OSBPL1A: variants seen among roughly 807,000 people sequenced by gnomAD.
OSBPL1A encodes the protein oxysterol binding protein like 1A.
OSBPL1A carries 80 observed loss-of-function variants against 137.1 expected under a neutral mutation model. The ratio of observed to expected loss-of-function variants is 0.58; its 90% CI spans 0.49 to 0.70. The LOEUF (loss-of-function observed/expected upper bound fraction) is 0.70, where lower values mean the gene tolerates loss of function less well. OSBPL1A is among the 30% of genes least tolerant of loss of function. OSBPL1A has a pLI of 0.00. For missense variants in OSBPL1A, 970 were observed against 1,129.4 expected (o/e 0.86, Z 2.02); for synonymous variants, 365 against 389.7 (o/e 0.94, Z 0.75).
intron 16 of OSBPL1A, among the ~76,000 whole-genome samples, chr18:24,228,060 G>T (rs1435572688): frequency 6.6e-6 from 1 of 152,028 alleles, no homozygotes; most frequent in African/African-American, 2.4e-5. Context: ...GACGGACTTC[G>T]CAGAACAAGA....
At chr18:24,217,384 T>G (rs945220359) in intron 17 of OSBPL1A, among the ~76,000 whole-genome samples, 1 of 151,426 alleles carries the variant, frequency 6.6e-6, no homozygotes, top group African/African-American at 2.4e-5. Flanking sequence ...CAGTCTCCCG[T>G]GTAGTTGAGA....
intron 7 of OSBPL1A, among the ~76,000 whole-genome samples, chr18:24,321,042 A>G (rs1184189178): frequency 6.6e-6 from 1 of 150,688 alleles, no homozygotes; most frequent in East Asian, 1.9e-4. Flanking sequence ...AAAAAAAAAA[A>G]AAAGAAAAGA....
intron 15 of OSBPL1A, among the ~76,000 whole-genome samples, chr18:24,257,607 C>T (rs1303813797): frequency 6.6e-6 from 1 of 151,900 alleles, no homozygotes; most frequent in African/African-American, 2.4e-5. Context: ...GCACAGACAA[C>T]CAAAGAAAAA....
intron 21 of OSBPL1A, among the ~76,000 whole-genome samples, chr18:24,177,571 T>C (rs992827914): frequency 2.0e-5 from 3 of 152,252 alleles, no homozygotes; most frequent in African/African-American, 7.2e-5. Context: ...CTAACTGGAA[T>C]TAATTGTGGA....
intron 11 of OSBPL1A, among the ~76,000 whole-genome samples, chr18:24,315,833 T>C (rs1418922840): frequency 8.6e-6 from 1 of 116,104 alleles, no homozygotes; most frequent in African/African-American, 3.5e-5. Flanking sequence ...TAATATATAG[T>C]ATATATTATA....
intron 15 of OSBPL1A, among the ~76,000 whole-genome samples, chr18:24,270,038 T>C (rs2089680306): frequency 6.6e-6 from 1 of 152,252 alleles, no homozygotes; most frequent in Non-Finnish European, 1.5e-5. Flanking sequence ...CTGGACTATA[T>C]ATAAAATAAA....
At chr18:24,171,613 C>T (rs1232200722) in intron 22 of OSBPL1A, 115 bp from the exon 23 acceptor site, 2 of 774,106 alleles carry the variant, frequency 2.6e-6, no homozygotes, top group Non-Finnish European at 4.3e-6. Flanking sequence ...TCTCTGTGTG[C>T]CAGGCTCCAT....
intron 5 of OSBPL1A, among the ~76,000 whole-genome samples, chr18:24,336,010 C>A (rs772172907): frequency 1.3e-5 from 2 of 152,184 alleles, no homozygotes; most frequent in African/African-American, 4.8e-5. Flanking sequence ...ATCTTTCCTC[C>A]CACTGGTTCT....
intron 14 of OSBPL1A, among the ~76,000 whole-genome samples, chr18:24,299,195 T>C (rs1170348659): frequency 6.6e-6 from 1 of 152,206 alleles, no homozygotes; most frequent in Non-Finnish European, 1.5e-5. Context: ...TGCCATTTTG[T>C]ATCTTTTAAG....
chr18:24,170,413 A>T lies in OSBPL1A; in HGVS notation c.2332T>A (p.Cys778Ser), dbSNP rs2086247323. Residue 778 changes from cysteine to serine, a missense_variant, in exon 24 of 28, where the codon TGT becomes AGT. By Grantham distance (112) the Cys-to-Ser change is moderately radical. This residue lies in a region of OSBPL1A where 323 missense variants were observed against 456.8 expected (regional missense o/e 0.71). Transcript: ENST00000319481. ...LCALYGKWTE[C>S]LYSVDPATFD... is the part of the protein sequence containing the mutation. ...GTGGCAGGGTCAACACTGTATAAAC[A>T]TTCAGTCCACTTCCCATAGAGGGCA... 6.2e-7 allele frequency: 1 copy of T among 1,614,044 alleles called. No homozygotes were observed. The highest frequency in any genetic ancestry group is 1.3e-5 in the African/African-American group (1 of 74,916).
At chr18:24,194,156 A>C (rs2086963760) in intron 18 of OSBPL1A, among the ~76,000 whole-genome samples, 1 of 152,240 alleles carries the variant, frequency 6.6e-6, no homozygotes, top group South Asian at 2.1e-4. Context: ...GTATATTCTA[A>C]AGTGGCCAAA....
intron 11 of OSBPL1A, among the ~76,000 whole-genome samples, chr18:24,315,016 C>T (rs890215104): frequency 6.6e-6 from 1 of 152,170 alleles, no homozygotes; most frequent in African/African-American, 2.4e-5. Flanking sequence ...GGCCCCCCAC[C>T]TGTTGCAGAA....
chr18:24,273,382 A>G (rs990999018), intron 15 of OSBPL1A, among the ~76,000 whole-genome samples: 2 of 152,246 alleles, frequency 1.3e-5, no homozygotes, highest in African/African-American at 4.8e-5. Context: ...GCTAGGTAGC[A>G]AAACAATGAA....
chr18:24,283,281 A>AAAAAAAAAATAT (rs1246058393), intron 14 of OSBPL1A, among the ~76,000 whole-genome samples: 4 of 78,364 alleles, frequency 5.1e-5, no homozygotes, highest in Non-Finnish European at 6.9e-5. Flanking sequence ...AAAAAAAAAA[A>AAAAAAAAAATAT]ATATATATAT....
At position 24,275,686 on chromosome 18, in the gene OSBPL1A, G is replaced by A. The variant is rs148625279; in HGVS notation, c.1281+5156C>T. On this transcript the variant is annotated intron_variant, in intron 15 of 27. Coordinates refer to ENST00000319481, the MANE Select transcript of OSBPL1A (RefSeq NM_080597.4). ...AACCCTTCAGACGGTTCCAATGTAG[G>A]GTCTGAATCTTTCCATTATACCACA... 3.3e-5 allele frequency among the ~76,000 whole-genome samples: 5 copies of A among 151,940 alleles called. No individual in the cohort carries two copies. The East Asian group carries it at 9.7e-4, about 29-fold the overall frequency.
intron 17 of OSBPL1A, among the ~76,000 whole-genome samples, chr18:24,215,204 C>T (rs544959189): frequency 3.2e-4 from 49 of 152,194 alleles, no homozygotes; most frequent in African/African-American, 1.2e-3. Flanking sequence ...TTTCCTAAAG[C>T]AGGTTTTTTT....
At chr18:24,199,070 G>A (rs572930897) in intron 17 of OSBPL1A, among the ~76,000 whole-genome samples, 1 of 151,984 alleles carries the variant, frequency 6.6e-6, no homozygotes, top group African/African-American at 2.4e-5. Context: ...TGTTGGCCAG[G>A]CTGGTCTCGA....
rs1429538470 is a variant in OSBPL1A, at chr18:24,271,533, C to T, written c.1281+9309G>A. Reference sequence around the variant, plus strand: ...ATCTACTCACATCCCTGGATCAAGTCTGGCCGCCCTCCCCGCTCCGTCCCC... The same window carrying T: ...ATCTACTCACATCCCTGGATCAAGTTTGGCCGCCCTCCCCGCTCCGTCCCC... On this transcript the variant is annotated intron_variant, in intron 15 of 27. Transcript: ENST00000319481. This position sits in a 1 kb window ranked among gnomAD's most constrained non-coding sequence, Gnocchi z 4.0. 1.0e-6 allele frequency: 1 copy of T among 984,048 alleles called. No individual in the cohort carries two copies. The highest frequency in any genetic ancestry group is 1.7e-5 in the African/African-American group (1 of 57,220). 61.0% of individuals were successfully genotyped at this position (984,048 alleles called of 1,614,324 possible). A position where few individuals can be genotyped will look rare whatever the true frequency, so the allele number is the denominator to read the frequency against.
intron 12 of OSBPL1A, among the ~76,000 whole-genome samples, chr18:24,313,954 A>T (rs1400587759): frequency 1.3e-5 from 2 of 151,640 alleles, no homozygotes; most frequent in African/African-American, 4.8e-5. Flanking sequence ...TACAAAAAAA[A>T]ATTAGCCAGG....
Sources: gnomAD v4.1 joint callset for allele counts (sites outside exome capture counted in the v4.1 genomes callset) on GRCh38, gnomAD v4.1.1 for gene constraint, gnomAD v4.1.1 regional missense constraint, Gnocchi (gnomAD v3.1) non-coding constraint, MANE v1.5 for transcripts, NCBI Gene and HGNC (gene_info 2026-07-23, HGNC 2026-07-21) for gene names.